The following ATRNL1 variants were observed in gnomAD, a reference collection of about 807,000 sequenced individuals.
The protein encoded by ATRNL1 is attractin like 1, also known as attractin-like protein 1.
Under a neutral mutation model 182.7 loss-of-function variants are expected in ATRNL1, and 95 were observed. The ratio of observed to expected loss-of-function variants is 0.52; its 90% CI spans 0.44 to 0.62. The LOEUF is 0.62. ATRNL1 is among the 20% of genes least tolerant of loss of function. ATRNL1 has a pLI of 0.00. For missense variants in ATRNL1, 1,471 were observed against 1,679.5 expected (o/e 0.88, Z 2.17); for synonymous variants, 576 against 568.3 (o/e 1.01, Z -0.19).
intron 1 of ATRNL1, among the ~76,000 whole-genome samples, chr10:115,095,943 G>C (rs1554863018): frequency 1.3e-5 from 2 of 152,164 alleles, no homozygotes; most frequent in African/African-American, 4.8e-5. Flanking sequence ...GTCCTGAGAA[G>C]CTTCATTTTA....
intron 20 of ATRNL1, among the ~76,000 whole-genome samples, chr10:115,401,765 T>C (rs977876106): frequency 1.3e-4 from 20 of 152,320 alleles, no homozygotes; most frequent in Admixed American, 5.2e-4. Context: ...CAAGTCATGT[T>C]GTAGACCTCT....
In ATRNL1 at chr10:115,095,516, T is replaced by TA. The variant is rs569125524; in HGVS notation, c.293+1476dup. On this transcript the variant is annotated intron_variant, in intron 1 of 28. Transcript: ENST00000355044. ...CTAGTAGGTTTTGGAAGTGAAATCT[T>TA]AAAGTGAAGTTTTATGAAACTTATG... 8.5e-4 allele frequency among the ~76,000 whole-genome samples: 129 copies of TA among 152,284 alleles called. 3 individuals carry two copies. The South Asian group carries it at 0.026, about 30-fold the overall frequency.
chr10:115,344,645 TAAGGTACA>T, intron 19 of ATRNL1, among the ~76,000 whole-genome samples: 1 of 152,352 alleles, frequency 6.6e-6, no homozygotes, highest in South Asian at 2.1e-4. Context: ...TGTTAGTTCC[TAAGGTACA>T]AGGCAAAGTA....
intron 26 of ATRNL1, among the ~76,000 whole-genome samples, chr10:115,609,486 C>T (rs188793250): frequency 1.3e-5 from 2 of 152,108 alleles, no homozygotes; most frequent in East Asian, 3.9e-4. Flanking sequence ...ATTAAATAAC[C>T]GAATAAATCT....
At chr10:115,396,991 A>G (rs1414601222) in intron 20 of ATRNL1, among the ~76,000 whole-genome samples, 1 of 151,922 alleles carries the variant, frequency 6.6e-6, no homozygotes, top group East Asian at 1.9e-4. Flanking sequence ...ACTAATTTGT[A>G]AAGAGTATTT....
intron 13 of ATRNL1, among the ~76,000 whole-genome samples, chr10:115,272,771 C>G (rs1243495083): frequency 7.9e-5 from 12 of 152,272 alleles, no homozygotes; most frequent in African/African-American, 2.6e-4. Flanking sequence ...ATCAAAAGCC[C>G]ATTCCACTGT....
intron 19 of ATRNL1, among the ~76,000 whole-genome samples, chr10:115,365,294 T>C (rs1416174467): frequency 2.6e-5 from 4 of 152,188 alleles, no homozygotes; most frequent in Non-Finnish European, 5.9e-5. Flanking sequence ...CTAGATTTTC[T>C]AGTTTATTTG....
rs34768447 is a variant in ATRNL1 at position 115,580,690 on chromosome 10, C to CTTT, written c.3795+31160_3795+31162dup. On this transcript the variant is annotated intron_variant, in intron 26 of 28. Transcript: ENST00000355044. ...TTAAATACTCTTTTTGTCCCTTTTT[C>CTTT]TTTTTTTTCTCTTTCTCATCCTCCT... Among the ~76,000 whole-genome samples the CTTT allele has an allele frequency of 9.4e-3, 1,415 of 151,280 alleles. 21 individuals carry two copies. The highest frequency in any genetic ancestry group is 0.032 in the African/African-American group (1,336 of 41,252).
rs531815428 is a variant in ATRNL1 at position 115,466,940 on chromosome 10, C to T, written c.3418-234C>T. Among the ~76,000 whole-genome samples the T allele has an allele frequency of 7.3e-5, 11 of 150,992 alleles. No individual in the cohort carries two copies. In the Admixed American group the frequency reaches 7.3e-4, roughly 10 times the overall value. On this transcript the variant is annotated intron_variant, in intron 22 of 28. Coordinates refer to ENST00000355044, the MANE Select transcript of ATRNL1 (RefSeq NM_207303.4). ...ATTACAGGAGCCTCTGGCTTACATA[C>T]AAAAGACCAAATTATAATAGAGAAG...
At chr10:115,487,271 T>G (rs1849072241) in intron 24 of ATRNL1, among the ~76,000 whole-genome samples, 2 of 152,178 alleles carry the variant, frequency 1.3e-5, no homozygotes, top group Admixed American at 1.3e-4. Context: ...TTTCCAGTTC[T>G]GTGAAGAAAG....
At chr10:115,440,292 A>G (rs1416416309) in intron 21 of ATRNL1, among the ~76,000 whole-genome samples, 2 of 152,010 alleles carry the variant, frequency 1.3e-5, no homozygotes, top group East Asian at 3.9e-4. Context: ...ATATTGGAGA[A>G]TAATATTTAG....
At chr10:115,648,028 C>T (rs891665082) in intron 26 of ATRNL1, among the ~76,000 whole-genome samples, 2 of 152,270 alleles carry the variant, frequency 1.3e-5, no homozygotes, top group Middle Eastern at 3.4e-3. Flanking sequence ...AGCCAGTTTT[C>T]CCAGCACCAT....
chr10:115,238,555 A>G (rs1057201359), intron 9 of ATRNL1, among the ~76,000 whole-genome samples: 12 of 152,196 alleles, frequency 7.9e-5, no homozygotes, highest in African/African-American at 2.2e-4. Flanking sequence ...GTATATAAAA[A>G]ATCAATTGTA....
chr10:115,479,962 A>G (rs1848691532), intron 24 of ATRNL1, among the ~76,000 whole-genome samples: 1 of 151,336 alleles, frequency 6.6e-6, no homozygotes, highest in African/African-American at 2.4e-5. Context: ...ACTGGCTTTG[A>G]CAATTCACTA....
intron 21 of ATRNL1, among the ~76,000 whole-genome samples, chr10:115,446,463 G>A (rs1325045384): frequency 6.6e-6 from 1 of 151,654 alleles, no homozygotes; most frequent in Admixed American, 6.6e-5. Context: ...TGGAGTCAGT[G>A]TTTTTTAGAT....
chr10:115,738,537 T>G (rs1358800132), intron 27 of ATRNL1, among the ~76,000 whole-genome samples: 2 of 152,116 alleles, frequency 1.3e-5, no homozygotes, highest in Non-Finnish European at 2.9e-5. Context: ...GTTTCCCAGC[T>G]GCATTTTGGA....
intron 26 of ATRNL1, among the ~76,000 whole-genome samples, chr10:115,589,324 G>A (rs1855765436): frequency 6.6e-6 from 1 of 152,082 alleles, no homozygotes; most frequent in Admixed American, 6.6e-5. Context: ...ATTACTCTTT[G>A]ATCAATAATC....
intron 10 of ATRNL1, among the ~76,000 whole-genome samples, chr10:115,255,790 T>A (rs1204869840): frequency 4.6e-5 from 7 of 152,314 alleles, no homozygotes; most frequent in African/African-American, 1.7e-4. Context: ...TAAATAGCTC[T>A]TATTATTTTG....
chr10:115,609,184 T>C (rs1441065382), intron 26 of ATRNL1, among the ~76,000 whole-genome samples: 2 of 152,306 alleles, frequency 1.3e-5, no homozygotes, highest in Admixed American at 6.5e-5. Context: ...AATAGAGCTA[T>C]AGAGTCTTCA....
Sources: allele counts gnomAD v4.1 joint callset (sites outside exome capture counted in the v4.1 genomes callset), GRCh38; gene constraint gnomAD v4.1.1; transcripts MANE v1.5; gene names NCBI Gene and HGNC (gene_info 2026-07-23, HGNC 2026-07-21).